Variants in PARM1 observed in about 807,000 individuals in gnomAD.
The protein encoded by PARM1 is prostate androgen-regulated mucin-like protein 1.
PARM1 carries 14 observed loss-of-function variants against 24.6 expected under a neutral mutation model. That is an observed-to-expected ratio of 0.57 (90% confidence interval 0.38 to 0.89). PARM1 has a LOEUF of 0.89. Among genes scored for constraint, PARM1 ranks in the 40% least tolerant of loss-of-function variants. The pLI, the probability that PARM1 is intolerant of heterozygous loss-of-function variation, is 0.00. For synonymous variants in PARM1, 179 were observed against 156.6 expected (o/e 1.14, Z -1.07); for missense variants, 362 against 380.4 (o/e 0.95, Z 0.40).
chr4:74,991,524 G>T (rs1184833396), intron 1 of PARM1, among the ~76,000 whole-genome samples: 1 of 152,172 alleles, frequency 6.6e-6, no homozygotes, highest in Non-Finnish European at 1.5e-5. Context: ...CAGAGAGAGA[G>T]AGAGCTCCAG....
At chr4:75,029,665 T>A (rs1205135647) in intron 2 of PARM1, among the ~76,000 whole-genome samples, 1 of 152,164 alleles carries the variant, frequency 6.6e-6, no homozygotes, top group Non-Finnish European at 1.5e-5. Flanking sequence ...AATGGACTAA[T>A]TCATTCCTAA....
chr4:75,048,336 T>G lies in PARM1; in HGVS notation c.*2089T>G, dbSNP rs1209893327. ...ACTGGAATCGTCATATCTCTGAATA[T>G]TGAAAACAACAACTAAAAAAGTGGA... On this transcript the variant is annotated 3_prime_UTR_variant, in exon 4 of 4. Transcript: ENST00000307428. 2 of 152,136 alleles carry G rather than the reference T, an allele frequency of 1.3e-5. No individual in the cohort carries two copies. Among genetic ancestry groups the G allele is most frequent in the African/African-American group, 2.4e-5 (1 of 41,406 alleles). The allele number at this position is 152,136 out of a possible 1,614,324, so 9.4% of individuals were successfully genotyped here.
At chr4:74,966,451 G>A (rs1321936530) in intron 1 of PARM1, among the ~76,000 whole-genome samples, 5 of 152,174 alleles carry the variant, frequency 3.3e-5, no homozygotes, top group Non-Finnish European at 7.3e-5. Context: ...TAAACCAACT[G>A]AAGAGGATTC....
intron 1 of PARM1, among the ~76,000 whole-genome samples, chr4:74,950,399 C>T (rs1560773226): frequency 6.6e-6 from 1 of 152,172 alleles, no homozygotes; most frequent in Non-Finnish European, 1.5e-5. Context: ...TCAATCTCCA[C>T]CTCTGTCTCA....
intron 1 of PARM1, among the ~76,000 whole-genome samples, chr4:74,959,252 A>G (rs1721711786): frequency 6.6e-6 from 1 of 152,210 alleles, no homozygotes; most frequent in African/African-American, 2.4e-5. Context: ...TAAAGCTCTT[A>G]TCCTCCCCCC....
rs17000076 is a variant in PARM1, at chr4:75,004,440, G to T, written c.44-7985G>T. On this transcript the variant is annotated intron_variant, in intron 1 of 3. Transcript: ENST00000307428. The stretch of plus-strand genomic sequence containing the variant: ...ATCAAGTTGCAGAATATTTCATAGA[G>T]AAGGTAAGGCTCTGGATTTCTCAGA... 9.9e-3 allele frequency among the ~76,000 whole-genome samples: 1,506 copies of T among 152,296 alleles called. 31 individuals carry two copies. Among genetic ancestry groups the T allele is most frequent in the African/African-American group, 0.035 (1,448 of 41,538 alleles).
intron 3 of PARM1, among the ~76,000 whole-genome samples, chr4:75,042,734 A>G (rs1410470359): frequency 6.6e-6 from 1 of 152,102 alleles, no homozygotes; most frequent in African/African-American, 2.4e-5. Flanking sequence ...CGTACAAAAA[A>G]TGTGTTTGTC....
rs72860927 is a variant in PARM1, at chr4:74,958,815, C to A, written c.43+25445C>A. ...GAGTTATGAGGATTAAGTCAAAATACCCCTTTGGACAATTCTAGCACATGG... is the reference window on the plus strand; with the variant it reads ...GAGTTATGAGGATTAAGTCAAAATAACCCTTTGGACAATTCTAGCACATGG... On this transcript the variant is annotated intron_variant, in intron 1 of 3. Coordinates refer to ENST00000307428, the MANE Select transcript of PARM1 (RefSeq NM_015393.4). Among the ~76,000 whole-genome samples, 703 of 152,274 alleles carry A rather than the reference C, an allele frequency of 4.6e-3. 4 individuals carry two copies. Among genetic ancestry groups the A allele is most frequent in the African/African-American group, 0.016 (656 of 41,566 alleles).
chr4:74,982,858 A>G (rs1722284495), intron 1 of PARM1, among the ~76,000 whole-genome samples: 1 of 152,240 alleles, frequency 6.6e-6, no homozygotes, highest in South Asian at 2.1e-4. Flanking sequence ...CAAAATCATT[A>G]TCACTCCTTC....
At chr4:75,022,746 C>G (rs936047241) in intron 2 of PARM1, among the ~76,000 whole-genome samples, 2 of 152,172 alleles carry the variant, frequency 1.3e-5, no homozygotes, top group African/African-American at 2.4e-5. Flanking sequence ...AACCCGTACT[C>G]TAATCTTCCA....
chr4:74,954,941 A>G (rs770376501), intron 1 of PARM1, among the ~76,000 whole-genome samples: 34 of 152,346 alleles, frequency 2.2e-4, no homozygotes, highest in Non-Finnish European at 4.1e-4. Flanking sequence ...CCTGATTAAC[A>G]GATCATAATT....
intron 2 of PARM1, among the ~76,000 whole-genome samples, chr4:75,030,284 C>T (rs1054395377): frequency 6.6e-6 from 1 of 152,190 alleles, no homozygotes; most frequent in Non-Finnish European, 1.5e-5. Flanking sequence ...TCATTTACCA[C>T]ATGTAAAACC....
At chr4:74,981,115 A>G (rs911729512) in intron 1 of PARM1, among the ~76,000 whole-genome samples, 7 of 152,212 alleles carry the variant, frequency 4.6e-5, no homozygotes, top group Non-Finnish European at 2.9e-5. Flanking sequence ...GAAAAATGAG[A>G]TCTAATTAAA....
intron 1 of PARM1, among the ~76,000 whole-genome samples, chr4:74,988,048 G>A (rs1722390926): frequency 6.6e-6 from 1 of 152,214 alleles, no homozygotes; most frequent in Non-Finnish European, 1.5e-5. Flanking sequence ...TTCATTATGG[G>A]AGAGATGGCT....
In PARM1 at chr4:75,049,517, C is replaced by CT. The variant is rs1723675964; in HGVS notation, c.*3271dup. 5 of 152,340 alleles carry CT rather than the reference C, an allele frequency of 3.3e-5. No homozygotes were observed. 9.4% of individuals were successfully genotyped at this position (152,340 alleles called of 1,614,324 possible). A position where few individuals can be genotyped will look rare whatever the true frequency, so the allele number is the denominator to read the frequency against. ...ACTACCCCTTTGTGCAGCTGAATCA[C>CT]TGCAGGGTTGACCATGCCTGGTGCC... On this transcript the variant is annotated 3_prime_UTR_variant, in exon 4 of 4. Transcript: ENST00000307428.
At position 75,012,425 on chromosome 4, in the gene PARM1, G is replaced by T. The variant is rs1452764564; in HGVS notation, c.44G>T (p.Gly15Val). The T allele has an allele frequency of 1.2e-6, 2 of 1,612,576 alleles. No homozygotes were observed. Among genetic ancestry groups the T allele is most frequent in the Non-Finnish European group, 8.5e-7 (1 of 1,178,798 alleles). The change falls in exon 2 of 4, where the codon GGA becomes GTA. Residue 15 changes from glycine (G) to valine (V), a missense_variant and splice_region_variant. Physicochemically the swap from Gly to Val is moderately radical, Grantham distance 109. Transcript: ENST00000307428. ...CACTTTTGTACTGGCTTTTCCACAG[G>T]ATGGAGGGTACAGAGTCTGCCTACA... is the stretch of plus-strand genomic sequence containing the variant. Reference protein sequence around the residue: ...TLFALCILTAGWRVQSLPTSA... With the variant: ...TLFALCILTAVWRVQSLPTSA...
chr4:75,024,255 C>CAAAAA (rs369591905), intron 2 of PARM1, among the ~76,000 whole-genome samples: 90 of 134,834 alleles, frequency 6.7e-4, no homozygotes, highest in African/African-American at 2.4e-3. Context: ...GAGACTCTGT[C>CAAAAA]AAAAAAAAAA....
chr4:74,998,733 C>G (rs1484793392), intron 1 of PARM1, among the ~76,000 whole-genome samples: 1 of 152,230 alleles, frequency 6.6e-6, no homozygotes, highest in Non-Finnish European at 1.5e-5. Flanking sequence ...ATGTGTTACA[C>G]TAATCTCCCA....
At chr4:75,020,753 T>C (rs778632269) in intron 2 of PARM1, among the ~76,000 whole-genome samples, 1 of 152,186 alleles carries the variant, frequency 6.6e-6, no homozygotes, top group Non-Finnish European at 1.5e-5. Context: ...CATGAGCGCC[T>C]GTGTCTCCCT....
Sources: allele counts gnomAD v4.1 joint callset (sites outside exome capture counted in the v4.1 genomes callset), GRCh38; gene constraint gnomAD v4.1.1; transcripts MANE v1.5; gene names NCBI Gene and HGNC (gene_info 2026-07-23, HGNC 2026-07-21).